Variants in ZYG11B observed in about 807,000 individuals in gnomAD.
ZYG11B encodes zyg-11 family member B, cell cycle regulator.
A neutral mutation model predicts 82.4 loss-of-function variants in ZYG11B; 36 were observed. The ratio of observed to expected loss-of-function variants is 0.44; its 90% CI spans 0.33 to 0.58. The LOEUF is 0.58. Ranked by LOEUF, ZYG11B falls within the 20% of genes least tolerant of loss-of-function variation. The probability of loss-of-function intolerance (pLI) is 0.02; values close to 1 mark genes in which losing one functional copy is unlikely to be tolerated. For missense variants in ZYG11B, 552 were observed against 895.6 expected (o/e 0.62, Z 4.90); for synonymous variants, 303 against 312.8 (o/e 0.97, Z 0.33).
chr1:52,729,260 G>C lies in ZYG11B; in HGVS notation c.30+2577G>C, dbSNP rs943943208. On this transcript the variant is annotated intron_variant, in intron 1 of 13. Transcript: ENST00000294353. ...CTGGTGATCTAATCACCTCCCAAAGGCCCCACCTCCTCATACCATTACCTT... is the reference window on the plus strand; with the variant it reads ...CTGGTGATCTAATCACCTCCCAAAGCCCCCACCTCCTCATACCATTACCTT... 5.3e-5 allele frequency among the ~76,000 whole-genome samples: 8 copies of C among 152,198 alleles called. No homozygotes were observed. In the South Asian group the frequency reaches 1.5e-3, roughly 28 times the overall value.
intron 10 of ZYG11B, among the ~76,000 whole-genome samples, chr1:52,808,803 T>C (rs775043018): frequency 6.6e-6 from 1 of 152,234 alleles, no homozygotes; most frequent in Non-Finnish European, 1.5e-5. Context: ...TTTTGTATTC[T>C]GTGTGTTTCA....
In ZYG11B at chr1:52,796,387, C is replaced by T. The variant is rs977295532; in HGVS notation, c.1430C>T (p.Ala477Val). 6.2e-7 allele frequency: 1 copy of T among 1,612,516 alleles called. No homozygotes were observed. The highest frequency in any genetic ancestry group is 8.5e-7 in the Non-Finnish European group (1 of 1,178,922). ...GTTGCTATCATTTCTATCCTGGCTG[C>T]CAAGGTACCTGAACTCTTGCTGAAT... is the stretch of plus-strand genomic sequence containing the variant. ...MAVAIISILA[A>V]KLSTEQTAQL... The change falls in exon 7 of 14, where the codon GCC becomes GTC. Residue 477 changes from alanine to valine, a missense_variant. Coordinates refer to ENST00000294353, the MANE Select transcript of ZYG11B (RefSeq NM_024646.3).
At chr1:52,794,073 C>T (rs1360802391) in intron 6 of ZYG11B, among the ~76,000 whole-genome samples, 1 of 151,916 alleles carries the variant, frequency 6.6e-6, no homozygotes, top group Non-Finnish European at 1.5e-5. Flanking sequence ...CTCCCGGGTT[C>T]AAGTGATTCT....
At chr1:52,789,509 T>G (rs1167771353) in intron 5 of ZYG11B, among the ~76,000 whole-genome samples, 4 of 152,222 alleles carry the variant, frequency 2.6e-5, no homozygotes, top group Non-Finnish European at 4.4e-5. Flanking sequence ...ATATTTTCAT[T>G]TACTCTTGTT....
At chr1:52,742,480 T>C (rs1425853237) in intron 1 of ZYG11B, among the ~76,000 whole-genome samples, 1 of 150,650 alleles carries the variant, frequency 6.6e-6, no homozygotes, top group Non-Finnish European at 1.5e-5. Flanking sequence ...GAAAAAGAGA[T>C]GTAAAAGAGA....
intron 10 of ZYG11B, chr1:52,805,378 C>T: frequency 4.6e-6 from 2 of 434,280 alleles, no homozygotes; most frequent in South Asian, 1.6e-5. Context: ...TTGTTGTAGC[C>T]TTCATTATAT....
chr1:52,759,861 T>G (rs1215909956), intron 2 of ZYG11B, among the ~76,000 whole-genome samples: 2 of 152,182 alleles, frequency 1.3e-5, no homozygotes, highest in African/African-American at 4.8e-5. Context: ...GACAGAGTCT[T>G]GCACTGTCAC....
In ZYG11B at chr1:52,778,648, G is replaced by T. The variant is rs539265839; in HGVS notation, c.952-1205G>T. Among the ~76,000 whole-genome samples, 5 of 152,176 alleles carry T rather than the reference G, an allele frequency of 3.3e-5. No homozygotes were observed. In the East Asian group the frequency reaches 7.7e-4, roughly 23 times the overall value. ...TAGCTAGATCTATCAATTCATTGGG[G>T]ATTATGGTGATATTTTAATCATTTA... On this transcript the variant is annotated intron_variant, in intron 3 of 13. Coordinates refer to ENST00000294353, the MANE Select transcript of ZYG11B (RefSeq NM_024646.3).
rs116247692 is a variant in ZYG11B at position 52,747,473 on chromosome 1, T to C, written c.31-8985T>C. Among the ~76,000 whole-genome samples the C allele has an allele frequency of 5.2e-3, 787 of 152,256 alleles. 8 individuals are homozygous for C. Among genetic ancestry groups the C allele is most frequent in the African/African-American group, 0.018 (763 of 41,562 alleles). ...AGATGATATGGTGTAGCAGAAAAAG[T>C]ATGGACTTCATTATTAACAGACCTG... On this transcript the variant is annotated intron_variant, in intron 1 of 13. Transcript: ENST00000294353.
rs200174332 is a variant in ZYG11B at position 52,796,869 on chromosome 1, T to TTA, written c.1485+96_1485+97dup. 9.5e-3 allele frequency: 1,651 copies of TTA among 173,444 alleles called. 56 individuals carry two copies. Among genetic ancestry groups the TTA allele is most frequent in the African/African-American group, 0.052 (1,541 of 29,378 alleles). The allele number at this position is 173,444 out of a possible 1,614,324, so 10.7% of individuals were successfully genotyped here. A position where few individuals can be genotyped will look rare whatever the true frequency, so the allele number is the denominator to read the frequency against. ...AGTATTGTATATTTTCTGACATTTT[T>TTA]TATATATATATAATTATATATAATA... is the stretch of plus-strand genomic sequence containing the variant. On this transcript the variant is annotated intron_variant, in intron 8 of 13. Coordinates refer to ENST00000294353, the MANE Select transcript of ZYG11B (RefSeq NM_024646.3).
At chr1:52,776,563 G>T (rs1375561876) in intron 3 of ZYG11B, among the ~76,000 whole-genome samples, 2 of 150,258 alleles carry the variant, frequency 1.3e-5, no homozygotes, top group African/African-American at 4.9e-5. Flanking sequence ...TTGGCTTAGA[G>T]TCTTTAACAT....
At chr1:52,743,090 C>T (rs1286100380) in intron 1 of ZYG11B, among the ~76,000 whole-genome samples, 1 of 151,812 alleles carries the variant, frequency 6.6e-6, no homozygotes, top group Non-Finnish European at 1.5e-5. Flanking sequence ...GCCATGATGA[C>T]GATGGCGGTT....
chr1:52,746,967 G>C (rs1440436780), intron 1 of ZYG11B, among the ~76,000 whole-genome samples: 1 of 150,326 alleles, frequency 6.7e-6, no homozygotes. Flanking sequence ...CAAAGGGCAT[G>C]ATATTTGGCA....
rs1553260249 is a variant in ZYG11B, at chr1:52,776,227, A to ATATATATATAT, written c.952-3626_952-3625insTATATATATAT. Among the ~76,000 whole-genome samples the ATATATATATAT allele has an allele frequency of 1.0e-3, 3 of 2,920 alleles. 1 individual carries two copies. Among genetic ancestry groups the ATATATATATAT allele is most frequent in the Non-Finnish European group, 9.0e-3 (3 of 332 alleles). The allele number at this position is 2,920 out of a possible 152,430, so 1.9% of individuals were successfully genotyped here. A position where few individuals can be genotyped will look rare whatever the true frequency, so the allele number is the denominator to read the frequency against. ...AGAGCAAAACTCTGTCTTAAAAAAA[A>ATATATATATAT]AAATATATATATATATATGCAATAA... On this transcript the variant is annotated intron_variant, in intron 3 of 13. Transcript: ENST00000294353.
chr1:52,805,343 C>A, intron 10 of ZYG11B: 1 of 362,816 alleles, frequency 2.8e-6, no homozygotes, highest in Non-Finnish European at 5.5e-6. Context: ...AAGCTGAGGA[C>A]TGCCATTTAA....
At chr1:52,796,456 C>G (rs979004122) in intron 7 of ZYG11B, 65 bp downstream of exon 7, 1 of 1,335,390 alleles carries the variant, frequency 7.5e-7, no homozygotes, top group Non-Finnish European at 1.1e-6. Flanking sequence ...TACTGTTTCC[C>G]CCCAAAAGCT....
At chr1:52,783,805 T>TATATATACAC (rs74185908) in intron 4 of ZYG11B, among the ~76,000 whole-genome samples, 44 of 135,018 alleles carry the variant, frequency 3.3e-4, no homozygotes, top group Middle Eastern at 8.1e-3. Flanking sequence ...TATATATATA[T>TATATATACAC]ACACACACAC....
At chr1:52,739,822 T>C (rs572717932) in intron 1 of ZYG11B, among the ~76,000 whole-genome samples, 20 of 151,966 alleles carry the variant, frequency 1.3e-4, no homozygotes, top group Non-Finnish European at 2.2e-4. Context: ...GCCGGGCTGG[T>C]CTTGAACTCC....
intron 10 of ZYG11B, among the ~76,000 whole-genome samples, chr1:52,809,423 G>A (rs932788598): frequency 4.6e-5 from 7 of 152,088 alleles, no homozygotes; most frequent in African/African-American, 1.7e-4. Flanking sequence ...GAATCATACA[G>A]GTGATCCGCT....
Sources: allele counts gnomAD v4.1 joint callset (sites outside exome capture counted in the v4.1 genomes callset), GRCh38; gene constraint gnomAD v4.1.1; transcripts MANE v1.5; gene names NCBI Gene and HGNC (gene_info 2026-07-23, HGNC 2026-07-21).